NSUN2: variants seen among roughly 807,000 people sequenced by gnomAD.
NSUN2 encodes RNA cytosine C(5)-methyltransferase NSUN2.
NSUN2 carries 63 observed loss-of-function variants against 92.7 expected under a neutral mutation model. The ratio of observed to expected loss-of-function variants is 0.68; its 90% CI spans 0.56 to 0.84. The LOEUF is 0.84. NSUN2 is among the 40% of genes least tolerant of loss of function. NSUN2 has a pLI of 0.00. For synonymous variants in NSUN2, 356 were observed against 348.3 expected, an observed-to-expected ratio of 1.02 and a Z score of -0.25; for missense variants, 989 against 964.9, an observed-to-expected ratio of 1.02 and a Z score of -0.33.
At chr5:6,615,060 C>G (rs1737153134) in intron 9 of NSUN2, among the ~76,000 whole-genome samples, 1 of 152,014 alleles carries the variant, frequency 6.6e-6, no homozygotes. Flanking sequence ...TGAAGCTAAG[C>G]AGCACAAGAT....
chr5:6,627,380 C>A (rs919891991), intron 3 of NSUN2, among the ~76,000 whole-genome samples: 2 of 152,180 alleles, frequency 1.3e-5, no homozygotes, highest in Admixed American at 1.3e-4. Flanking sequence ...TGTCTCAAAG[C>A]TAGTACGATC....
intron 14 of NSUN2, among the ~76,000 whole-genome samples, 165 bp downstream of exon 14, chr5:6,606,655 C>T (rs113113806): frequency 6.6e-6 from 1 of 150,458 alleles, no homozygotes; most frequent in African/African-American, 2.5e-5. Context: ...GATTGAGTAA[C>T]CTCTAAAGTT....
rs781224771 is a variant in NSUN2 at position 6,616,782 on chromosome 5, T to C, written c.966A>G (p.Ser322=). ...CTGCTTCATCCTCAATAGGGTTTAG[T>C]GAACACGTGGAATACACCATCCTTC... The part of the protein sequence containing the change: ...EGGRMVYSTC[S]LNPIEDEAVI... Residue 322 remains serine (S), a synonymous_variant, in exon 9 of 19, where the codon TCA becomes TCG. Transcript: ENST00000264670. The C allele has an allele frequency of 8.9e-6, 14 of 1,576,150 alleles. No homozygotes were observed. The highest frequency in any genetic ancestry group is 1.7e-4 in the Middle Eastern group (1 of 5,952).
intron 8 of NSUN2, 69 bp downstream of exon 8, chr5:6,617,881 C>T (rs1377763039): frequency 2.6e-5 from 32 of 1,241,382 alleles, no homozygotes; most frequent in Non-Finnish European, 3.6e-5. Flanking sequence ...CGGATGCTCA[C>T]TTGCATAACA....
Position 6,625,635 on chromosome 5 carries a change from T to C in NSUN2, c.394A>G (p.Ser132Gly). The C allele has an allele frequency of 6.2e-7, 1 of 1,614,190 alleles. No individual in the cohort carries two copies. The highest frequency in any genetic ancestry group is 8.5e-7 in the Non-Finnish European group (1 of 1,180,016). Residue 132 changes from serine (S) to glycine (G), a missense_variant, in exon 4 of 19, where the codon AGT (serine) becomes GGT (glycine). Physicochemically the swap from Ser to Gly is moderately conservative, Grantham distance 56. Coordinates refer to ENST00000264670, the MANE Select transcript of NSUN2 (RefSeq NM_017755.6). ...PEELAWHTNL[S>G]RKILRKSPHL... ...GGCGATTTTCTCAAGATTTTTCGAC[T>C]TAAATTTGTGTGCCAGGCAAGTTCT...
At chr5:6,630,359 G>C (rs1294538418) in intron 3 of NSUN2, among the ~76,000 whole-genome samples, 3 of 152,180 alleles carry the variant, frequency 2.0e-5, no homozygotes, top group African/African-American at 7.2e-5. Flanking sequence ...AGGCTGGAGT[G>C]CAGTGGCATG....
chr5:6,630,879 G>A lies in NSUN2; in HGVS notation c.359+994C>T, dbSNP rs566340750. Reference sequence around the variant, plus strand: ...GGAGGCCGAGGTGGGCGGATCATGAGGTCAGGAGATGAGACCATCCTGGCT... The same window carrying A: ...GGAGGCCGAGGTGGGCGGATCATGAAGTCAGGAGATGAGACCATCCTGGCT... On this transcript the variant is annotated intron_variant, in intron 3 of 18. Transcript: ENST00000264670. Among the ~76,000 whole-genome samples, 11 of 152,276 alleles carry A rather than the reference G, an allele frequency of 7.2e-5. No homozygotes were observed. The South Asian group carries it at 2.3e-3, about 32-fold the overall frequency.
At chr5:6,601,062 T>C (rs1736533880) in intron 18 of NSUN2, among the ~76,000 whole-genome samples, 2 of 152,278 alleles carry the variant, frequency 1.3e-5, no homozygotes, top group South Asian at 2.1e-4. Flanking sequence ...CTAACGGCCG[T>C]GTTTAATCAC....
rs1277049775 is a variant in NSUN2 at position 6,620,215 on chromosome 5, T to C, written c.706A>G (p.Ile236Val). The change falls in exon 7 of 19, where the codon ATC becomes GTC. Residue 236 changes from isoleucine to valine, a missense_variant. Around this residue, in one of 3 missense-constraint regions of NSUN2, gnomAD observed 356 missense variants for 338.6 expected, o/e 1.05. Transcript: ENST00000264670. ...HQAKRLSSPCIMVVNHDASSI... is the reference protein window; with the variant it reads ...HQAKRLSSPCVMVVNHDASSI... ...GAGGCATCATGGTTGACCACCATGATGCAGGGGCTGCTCAGCCTCTTGGCT... is the reference window on the plus strand; with the variant it reads ...GAGGCATCATGGTTGACCACCATGACGCAGGGGCTGCTCAGCCTCTTGGCT... 8 of 1,613,442 alleles carry C rather than the reference T, an allele frequency of 5.0e-6. No homozygotes were observed. The highest frequency in any genetic ancestry group is 6.8e-6 in the Non-Finnish European group (8 of 1,179,780).
intron 7 of NSUN2, among the ~76,000 whole-genome samples, chr5:6,619,263 C>G (rs1258522114): frequency 6.6e-6 from 1 of 152,156 alleles, no homozygotes; most frequent in African/African-American, 2.4e-5. Context: ...TCAGAGCCAC[C>G]AGCTGCAAGT....
chr5:6,621,673 AG>A, intron 6 of NSUN2: 1 of 178,466 alleles, frequency 5.6e-6, no homozygotes, highest in East Asian at 1.6e-4. Flanking sequence ...GCGTGAACCC[AG>A]GAGGTGGAAC....
At chr5:6,614,093 C>CG (rs145015056) in intron 9 of NSUN2, among the ~76,000 whole-genome samples, 11 of 38,124 alleles carry the variant, frequency 2.9e-4, no homozygotes, top group South Asian at 1.3e-3. Flanking sequence ...GAGACTGTCT[C>CG]GGAAAAAAAA....
At chr5:6,612,038 C>T (rs935752920) in intron 9 of NSUN2, among the ~76,000 whole-genome samples, 12 of 152,154 alleles carry the variant, frequency 7.9e-5, no homozygotes, top group African/African-American at 4.8e-5. Context: ...GCTAGGGTGA[C>T]GGGAACGGCC....
intron 9 of NSUN2, among the ~76,000 whole-genome samples, chr5:6,616,041 G>A (rs1292920653): frequency 1.3e-5 from 2 of 152,138 alleles, no homozygotes; most frequent in Non-Finnish European, 2.9e-5. Context: ...TGTGCACTGG[G>A]GGTAGAAATA....
At chr5:6,601,194 A>G (rs1017935962) in intron 18 of NSUN2, among the ~76,000 whole-genome samples, 17 of 152,000 alleles carry the variant, frequency 1.1e-4, no homozygotes, top group South Asian at 8.3e-4. Flanking sequence ...CCTGAAGTTG[A>G]CCTGTCACCT....
chr5:6,618,120 G>A (rs776216757), intron 7 of NSUN2, 96 bp from the exon 8 acceptor site: 122 of 761,912 alleles, frequency 1.6e-4, no homozygotes, highest in Middle Eastern at 4.7e-4. Context: ...CAAAACAAGT[G>A]TTACAAATAT....
chr5:6,599,905 C>G lies in NSUN2; in HGVS notation c.*21G>C. ...CAGTTTTGCGTGTGAGGGGTGTGGG[C>G]CCCCGCTGCCTTGGGCCTGCTCACC... On this transcript the variant is annotated 3_prime_UTR_variant, in exon 19 of 19. Transcript: ENST00000264670. The G allele has an allele frequency of 6.2e-7, 1 of 1,604,054 alleles. No homozygotes were observed. The highest frequency in any genetic ancestry group is 8.5e-7 in the Non-Finnish European group (1 of 1,175,554).
chr5:6,607,308 T>A lies in NSUN2; in HGVS notation c.1400A>T (p.Asp467Val). The A allele has an allele frequency of 6.2e-7, 1 of 1,614,196 alleles. No homozygotes were observed. Among genetic ancestry groups the A allele is most frequent in the South Asian group, 1.1e-5 (1 of 91,090 alleles). ...TGACGGACTTTCCAGCTTAGAGGGATCTGTGGGTTTCCCTTCTGTGAGATC... is the reference window on the plus strand; with the variant it reads ...TGACGGACTTTCCAGCTTAGAGGGAACTGTGGGTTTCCCTTCTGTGAGATC... ...PADLTEGKPT[D>V]PSKLESPSFT... Residue 467 changes from aspartate (D) to valine (V), a missense_variant, in exon 13 of 19, where the codon GAT (aspartate) becomes GTT (valine). By Grantham distance (152) the Asp-to-Val change is radical. Coordinates refer to ENST00000264670, the MANE Select transcript of NSUN2 (RefSeq NM_017755.6).
chr5:6,604,231 C>A lies in NSUN2; in HGVS notation c.1864G>T (p.Val622Leu). 6.2e-7 allele frequency: 1 copy of A among 1,606,348 alleles called. No homozygotes were observed. Among genetic ancestry groups the A allele is most frequent in the Non-Finnish European group, 8.5e-7 (1 of 1,173,162 alleles). ...YPFINSRIIT[V>L]SMEDVKILLT... The stretch of plus-strand genomic sequence containing the variant: ...AGTATCTTAACATCTTCCATTGATA[C>A]AGTAATAATTCTTGAGTTAATAAAT... The change falls in exon 17 of 19, where the codon GTA becomes TTA. Residue 622 changes from valine to leucine, a missense_variant. Physicochemically the swap from Val to Leu is conservative, Grantham distance 32 (BLOSUM62 1). Coordinates refer to ENST00000264670, the MANE Select transcript of NSUN2 (RefSeq NM_017755.6).
Sources: allele counts gnomAD v4.1 joint callset (sites outside exome capture counted in the v4.1 genomes callset), GRCh38; gene constraint gnomAD v4.1.1; regional missense constraint gnomAD v4.1.1; transcripts MANE v1.5; gene names NCBI Gene and HGNC (gene_info 2026-07-23, HGNC 2026-07-21).